The following CYRIB variants were observed in gnomAD, a reference collection of about 807,000 sequenced individuals.
CYRIB encodes CYFIP-related Rac1 interactor B.
In CYRIB, 8 loss-of-function variants were observed where a neutral mutation model predicts 44.2. That is an observed-to-expected ratio of 0.18 (90% CI 0.11 to 0.33). The LOEUF (loss-of-function observed/expected upper bound fraction) is 0.33. CYRIB is among the 10% of genes least tolerant of loss of function. The pLI is 1.00. For missense variants in CYRIB, 185 were observed against 382.8 expected, an observed-to-expected ratio of 0.48 and a Z score of 4.31; for synonymous variants, 131 against 127.2, an observed-to-expected ratio of 1.03 and a Z score of -0.20.
Position 130,006,607 on chromosome 8 carries a change from C to CACACATATATATGTATATATATATATAT in CYRIB, c.-296+9762_-296+9763insATATATATATATATACATATATATGTGT, listed in dbSNP as rs1359122569. ...TAAAAACACAAATTATATATATATA[C>CACACATATATATGTATATATATATATAT]ATATATATGTGTATATATATACATA... On this transcript the variant is annotated intron_variant, in intron 1 of 14. Transcript: ENST00000401979. Among the ~76,000 whole-genome samples the CACACATATATATGTATATATATATATAT allele has an allele frequency of 1.3e-3, 9 of 7,136 alleles. 1 individual carries two copies. The highest frequency in any genetic ancestry group is 2.6e-3 in the Admixed American group (1 of 382). 4.7% of individuals were successfully genotyped at this position (7,136 alleles called of 152,430 possible).
chr8:129,916,623 C>A (rs913621773), intron 1 of CYRIB, among the ~76,000 whole-genome samples: 2 of 152,184 alleles, frequency 1.3e-5, no homozygotes, highest in African/African-American at 4.8e-5. Context: ...AGATTCTTAT[C>A]CTTAAAGGGC....
intron 2 of CYRIB, among the ~76,000 whole-genome samples, chr8:129,946,544 C>T (rs902523555): frequency 1.3e-5 from 2 of 152,140 alleles, no homozygotes; most frequent in Admixed American, 1.3e-4. Context: ...CTGGGAAGGG[C>T]TAGAAGCTCA....
chr8:129,956,990 G>A (rs1306248971), intron 2 of CYRIB, among the ~76,000 whole-genome samples: 3 of 151,710 alleles, frequency 2.0e-5, no homozygotes, highest in South Asian at 2.1e-4. Context: ...AGACACACAC[G>A]ACTGTGCCTG....
At chr8:129,845,117 C>T (rs949649799) in intron 11 of CYRIB, among the ~76,000 whole-genome samples, 6 of 152,192 alleles carry the variant, frequency 3.9e-5, no homozygotes, top group Non-Finnish European at 8.8e-5. Flanking sequence ...CTGTCTTTCA[C>T]TCGCCATCAC....
chr8:129,854,376 T>C (rs879152882), intron 6 of CYRIB, 33 bp from the exon 9 acceptor site: 7 of 1,474,858 alleles, frequency 4.7e-6, no homozygotes, highest in Middle Eastern at 1.7e-4. Context: ...AAAAATGTTA[T>C]GTACTAAATG....
intron 1 of CYRIB, among the ~76,000 whole-genome samples, chr8:129,989,391 T>C (rs1422987047): frequency 6.6e-6 from 1 of 152,178 alleles, no homozygotes; most frequent in Non-Finnish European, 1.5e-5. Context: ...TGTTCTCAAG[T>C]TTCCATCTCA....
exon 12 of CYRIB, chr8:129,840,821 T>A (rs750431242): frequency 2.0e-5 from 3 of 152,310 alleles, no homozygotes; most frequent in Non-Finnish European, 4.4e-5. Context: ...TCAGCAGGGA[T>A]GTGATCTTGA....
At chr8:129,890,238 T>A (rs951630114) in intron 2 of CYRIB, among the ~76,000 whole-genome samples, 1 of 152,216 alleles carries the variant, frequency 6.6e-6, no homozygotes. Flanking sequence ...CAGTATCATA[T>A]GCTACAGAGA....
chr8:129,996,887 G>T (rs1038362806), intron 1 of CYRIB, among the ~76,000 whole-genome samples: 6 of 151,992 alleles, frequency 3.9e-5, no homozygotes, highest in African/African-American at 1.5e-4. Context: ...GGAATGGCAG[G>T]AACTCACTTA....
At chr8:129,986,399 T>C (rs957590179) in intron 1 of CYRIB, among the ~76,000 whole-genome samples, 1 of 152,108 alleles carries the variant, frequency 6.6e-6, no homozygotes, top group South Asian at 2.1e-4. Flanking sequence ...GGTGCTACAG[T>C]TTAAACATTT....
intron 5 of CYRIB, among the ~76,000 whole-genome samples, chr8:129,858,200 C>T (rs1265306988): frequency 6.6e-6 from 1 of 152,178 alleles, no homozygotes; most frequent in East Asian, 1.9e-4. Flanking sequence ...TCCCAGAGGT[C>T]TCTGGATGAG....
intron 1 of CYRIB, among the ~76,000 whole-genome samples, chr8:129,977,164 G>T (rs1421169403): frequency 1.3e-5 from 2 of 152,096 alleles, no homozygotes; most frequent in Non-Finnish European, 2.9e-5. Context: ...TTTCATGAAG[G>T]CCATTTCCAA....
intron 2 of CYRIB, among the ~76,000 whole-genome samples, chr8:129,951,569 G>T (rs2094503560): frequency 6.6e-6 from 1 of 151,942 alleles, no homozygotes; most frequent in Admixed American, 6.6e-5. Flanking sequence ...AGCTGGCCGT[G>T]GTGGCACGTG....
chr8:129,987,484 C>G (rs1257851108), intron 1 of CYRIB, among the ~76,000 whole-genome samples: 2 of 151,824 alleles, frequency 1.3e-5, no homozygotes, highest in African/African-American at 4.8e-5. Flanking sequence ...ACACACCATC[C>G]CTCTCTCATT....
rs61102044 is a variant in CYRIB at position 129,894,929 on chromosome 8, A to AT, written c.-11+8382dup. Among the ~76,000 whole-genome samples, 172 of 148,106 alleles carry AT rather than the reference A, an allele frequency of 1.2e-3. 1 individual carries two copies. The highest frequency in any genetic ancestry group is 5.9e-3 in the South Asian group (28 of 4,732). ...GTGTTAGAAATATATATATATATAT[A>AT]TTTTTTTAATTAATTTATTTTTTTG... On this transcript the variant is annotated intron_variant, in intron 2 of 11. Transcript: ENST00000519824.
intron 2 of CYRIB, among the ~76,000 whole-genome samples, chr8:129,901,150 T>C (rs926125717): frequency 6.6e-6 from 1 of 152,200 alleles, no homozygotes; most frequent in Non-Finnish European, 1.5e-5. Context: ...AGATGGGGTT[T>C]CTGTTATTAT....
At chr8:129,893,173 G>T (rs1280500763) in intron 2 of CYRIB, among the ~76,000 whole-genome samples, 1 of 152,218 alleles carries the variant, frequency 6.6e-6, no homozygotes, top group African/African-American at 2.4e-5. Flanking sequence ...ACGCATGGAT[G>T]ATCAGTTTTT....
At position 129,849,153 on chromosome 8, in the gene CYRIB, T is replaced by A; in HGVS notation, c.840+90A>T. The A allele has an allele frequency of 3.2e-6, 4 of 1,244,332 alleles. No homozygotes were observed. In the East Asian group the frequency reaches 9.8e-5, roughly 30 times the overall value. The allele number at this position is 1,244,332 out of a possible 1,614,324, so 77.1% of individuals were successfully genotyped here. On this transcript the variant is annotated intron_variant, in intron 10 of 11. Coordinates refer to ENST00000519824, the Ensembl canonical transcript of CYRIB. ...ACTATAAATCTGAGTTTTGTGAGAGTCCGGTTTGCTGGCTCTTATCATAAA... is the reference window on the plus strand; with the variant it reads ...ACTATAAATCTGAGTTTTGTGAGAGACCGGTTTGCTGGCTCTTATCATAAA...
At chr8:129,865,168 T>C (rs537147616) in intron 4 of CYRIB, 1 of 153,034 alleles carries the variant, frequency 6.5e-6, no homozygotes, top group African/African-American at 2.4e-5. Context: ...CATGAATGCT[T>C]TGTCAAATCA....
Sources: gnomAD v4.1 joint callset for allele counts (sites outside exome capture counted in the v4.1 genomes callset) on GRCh38, gnomAD v4.1.1 for gene constraint, MANE v1.5 for transcripts, NCBI Gene and HGNC (gene_info 2026-07-23, HGNC 2026-07-21) for gene names.